PMFBP1: variants seen among roughly 807,000 people sequenced by gnomAD.
PMFBP1 encodes the protein polyamine-modulated factor 1-binding protein 1.
In PMFBP1, 131 loss-of-function variants were observed where a neutral mutation model predicts 137.8. The observed-to-expected ratio is 0.95, with a 90% CI of 0.82 to 1.10. PMFBP1 has a LOEUF of 1.10. PMFBP1 is among the 50% of genes least tolerant of loss of function. PMFBP1 has a pLI of 0.00. For missense variants in PMFBP1, 1,199 were observed against 1,175.4 expected, an observed-to-expected ratio of 1.02 and a Z score of -0.29; for synonymous variants, 490 against 450.4, an observed-to-expected ratio of 1.09 and a Z score of -1.11.
chr16:72,119,658 G>A (rs931713240), intron 20 of PMFBP1, 193 bp downstream of exon 20: 3 of 1,447,198 alleles, frequency 2.1e-6, no homozygotes, highest in South Asian at 1.5e-5. Context: ...TGCTTCAGAT[G>A]TTCTTAGATC....
At chr16:72,202,649 G>T in the PMFBP1 span, among the ~76,000 whole-genome samples, 1 of 152,210 alleles carries the variant, frequency 6.6e-6, no homozygotes, top group African/African-American at 2.4e-5. Flanking sequence ...CCCGTAGGAG[G>T]CTGTCACTTC....
chr16:72,206,400 G>A, the PMFBP1 span, among the ~76,000 whole-genome samples: 39 of 152,306 alleles, frequency 2.6e-4, no homozygotes, highest in East Asian at 5.4e-3. Context: ...ATGCTCACTC[G>A]TGGCCATGAC....
the PMFBP1 span, among the ~76,000 whole-genome samples, chr16:72,244,015 T>C: frequency 1.3e-5 from 2 of 152,206 alleles, no homozygotes; most frequent in Admixed American, 1.3e-4. Context: ...AGTGGTTCCT[T>C]GGTCATAATG....
At chr16:72,208,361 C>A in the PMFBP1 span, among the ~76,000 whole-genome samples, 1 of 110,824 alleles carries the variant, frequency 9.0e-6, no homozygotes, top group African/African-American at 4.0e-5. Context: ...TCTGAATGGG[C>A]AGCAGGGTTA....
Position 72,140,546 on chromosome 16 carries a change from T to C in PMFBP1, c.673A>G (p.Ile225Val). 2 of 1,613,824 alleles carry C rather than the reference T, an allele frequency of 1.2e-6. No homozygotes were observed. The highest frequency in any genetic ancestry group is 8.5e-7 in the Non-Finnish European group (1 of 1,179,736). The change falls in exon 6 of 21, where the codon ATA becomes GTA. Residue 225 changes from isoleucine to valine, a missense_variant. Coordinates refer to ENST00000237353, the MANE Select transcript of PMFBP1 (RefSeq NM_031293.3). ...TGAATCATGCAAGGAGAAGTGTATATCCGTACCTTTGAATGATCACCCTTG... is the reference window on the plus strand; with the variant it reads ...TGAATCATGCAAGGAGAAGTGTATACCCGTACCTTTGAATGATCACCCTTG... ...ENKGDHSKVR[I>V]YTSPCMIQEH...
chr16:72,118,511 C>T (rs1460704189), downstream of PMFBP1, among the ~76,000 whole-genome samples: 1 of 152,160 alleles, frequency 6.6e-6, no homozygotes, highest in Non-Finnish European at 1.5e-5. Context: ...ACTTTTACTG[C>T]CCCCCTCAGA....
intron 12 of PMFBP1, 60 bp downstream of exon 12, chr16:72,130,153 T>C (rs1403933952): frequency 3.1e-6 from 5 of 1,595,804 alleles, no homozygotes; most frequent in Non-Finnish European, 4.3e-6. Context: ...CTGCTCCTAG[T>C]CTGTGTTTTA....
chr16:72,123,647 G>A lies in PMFBP1; in HGVS notation c.2592C>T (p.Pro864=). 6.2e-7 allele frequency: 1 copy of A among 1,613,364 alleles called. No individual in the cohort carries two copies. Among genetic ancestry groups the A allele is most frequent in the Middle Eastern group, 1.7e-4 (1 of 6,058 alleles). Residue 864 remains proline (P), a splice_region_variant and synonymous_variant, in exon 18 of 21, where the codon CCC becomes CCT. Transcript: ENST00000237353. ...GCACAGACCACTGGGGCAGGCAGCA[G>A]GGCTTGGGTACAAGAAGAAAACGAG... ...KENLLEDDKE[P]CCLPQWSVPK... is the part of the protein sequence containing the mutation.
chr16:72,176,403 A>G (rs569632693), upstream of PMFBP1, among the ~76,000 whole-genome samples: 2 of 152,302 alleles, frequency 1.3e-5, no homozygotes, highest in African/African-American at 4.8e-5. Context: ...ACAGATGCTC[A>G]TTTTATTGGG....
chr16:72,222,233 A>T, the PMFBP1 span, among the ~76,000 whole-genome samples: 1 of 151,946 alleles, frequency 6.6e-6, no homozygotes, highest in Non-Finnish European at 1.5e-5. Flanking sequence ...TCACCTTCTC[A>T]AGTAGCTGGG....
intron 9 of PMFBP1, among the ~76,000 whole-genome samples, chr16:72,134,348 A>G (rs564777384): frequency 9.9e-5 from 15 of 152,212 alleles, no homozygotes; most frequent in Non-Finnish European, 1.9e-4. Flanking sequence ...ACACTCAGCT[A>G]GTTTAAACAT....
At chr16:72,143,186 G>A (rs1187175099) in intron 5 of PMFBP1, among the ~76,000 whole-genome samples, 2 of 152,230 alleles carry the variant, frequency 1.3e-5, no homozygotes, top group East Asian at 3.9e-4. Context: ...TTTGAGAAAG[G>A]ATATTGAAAA....
the PMFBP1 span, among the ~76,000 whole-genome samples, chr16:72,207,087 G>T: frequency 6.6e-6 from 1 of 152,060 alleles, no homozygotes; most frequent in African/African-American, 2.4e-5. Context: ...AAGAAGTTTG[G>T]GCTTGGCACT....
chr16:72,211,890 G>A, the PMFBP1 span, among the ~76,000 whole-genome samples: 1 of 152,114 alleles, frequency 6.6e-6, no homozygotes, highest in Non-Finnish European at 1.5e-5. Context: ...CCAGCTACTA[G>A]AGAGGCTGAA....
At chr16:72,160,318 T>C (rs2043042719) in intron 3 of PMFBP1, among the ~76,000 whole-genome samples, 1 of 152,222 alleles carries the variant, frequency 6.6e-6, no homozygotes, top group South Asian at 2.1e-4. Context: ...TTGTCCTTTT[T>C]CCCTTTTTAA....
downstream of PMFBP1, chr16:72,118,999 C>G (rs139345862): frequency 7.2e-5 from 18 of 249,018 alleles, 1 homozygote; most frequent in East Asian, 1.3e-3. Flanking sequence ...TGGAAGAGAC[C>G]AATATCTCTT....
chr16:72,248,088 G>A, the PMFBP1 span, among the ~76,000 whole-genome samples: 5 of 152,050 alleles, frequency 3.3e-5, no homozygotes, highest in Middle Eastern at 3.2e-3. Context: ...AGGCCAAGTC[G>A]GCTTCTGGAA....
At chr16:72,211,990 T>C in the PMFBP1 span, among the ~76,000 whole-genome samples, 1 of 151,970 alleles carries the variant, frequency 6.6e-6, no homozygotes, top group African/African-American at 2.4e-5. Flanking sequence ...TAGTGAGACC[T>C]TGTATCAAAA....
At chr16:72,234,737 C>G in the PMFBP1 span, among the ~76,000 whole-genome samples, 1 of 152,166 alleles carries the variant, frequency 6.6e-6, no homozygotes, top group Non-Finnish European at 1.5e-5. Context: ...AAGTCAAGAA[C>G]CTGAACTGAC....
Sources: gnomAD v4.1 joint callset for allele counts (sites outside exome capture counted in the v4.1 genomes callset) on GRCh38, gnomAD v4.1.1 for gene constraint, MANE v1.5 for transcripts, NCBI Gene and HGNC (gene_info 2026-07-23, HGNC 2026-07-21) for gene names.